Variants in ERAL1 observed in about 807,000 individuals in gnomAD.
ERAL1 encodes the protein GTPase Era, mitochondrial.
In ERAL1, 36 loss-of-function variants were observed where a neutral mutation model predicts 53.6. The observed-to-expected ratio is 0.67, with a 90% CI of 0.51 to 0.89. The LOEUF (loss-of-function observed/expected upper bound fraction) is 0.89, where lower values mean the gene tolerates loss of function less well. ERAL1 is among the 40% of genes least tolerant of loss of function. The probability of loss-of-function intolerance (pLI) is 0.00; values close to 1 mark genes in which losing one functional copy is unlikely to be tolerated. For missense variants in ERAL1, 512 were observed against 537.5 expected, an observed-to-expected ratio of 0.95 and a Z score of 0.47; for synonymous variants, 215 against 211.8, an observed-to-expected ratio of 1.02 and a Z score of -0.13.
intron 3 of ERAL1, 107 bp downstream of exon 3, chr17:28,856,689 A>T: frequency 1.1e-5 from 10 of 921,032 alleles, no homozygotes; most frequent in Non-Finnish European, 1.7e-5. Context: ...CATTTATGTG[A>T]GGAAAGGGGG....
chr17:28,856,696 G>T, intron 3 of ERAL1, 114 bp downstream of exon 3: 1 of 945,112 alleles, frequency 1.1e-6, no homozygotes, highest in Non-Finnish European at 1.7e-6. Flanking sequence ...GTGAGGAAAG[G>T]GGGTTTCTTT....
chr17:28,856,541 T>C lies in ERAL1; in HGVS notation c.448T>C (p.Cys150Arg). The part of the protein sequence containing the change: ...PVSRKVHTTR[C>R]QALGVITEKE... Reference sequence around the variant, plus strand: ...TTCCAGGAAGGTGCATACTACTCGCTGCCAAGCTCTGGGGGTCATCACAGA... The same window carrying C: ...TTCCAGGAAGGTGCATACTACTCGCCGCCAAGCTCTGGGGGTCATCACAGA... The change falls in exon 3 of 10, where the codon TGC becomes CGC. Residue 150 changes from cysteine to arginine, a missense_variant. Coordinates refer to ENST00000254928, the MANE Select transcript of ERAL1 (RefSeq NM_005702.4). The C allele has an allele frequency of 6.2e-7, 1 of 1,613,976 alleles. No homozygotes were observed. Among genetic ancestry groups the C allele is most frequent in the Non-Finnish European group, 8.5e-7 (1 of 1,179,944 alleles).
rs371302748 is a variant in ERAL1 at position 28,858,833 on chromosome 17, G to A, written c.960+9G>A. ...ACGTGAAAACACTAAAGGTCAGTTA[G>A]TCTTGGCCATAGCCTGGCCCTTGGT... On this transcript the variant is annotated intron_variant, in intron 7 of 9. Coordinates refer to ENST00000254928, the MANE Select transcript of ERAL1 (RefSeq NM_005702.4). The A allele has an allele frequency of 7.1e-5, 114 of 1,614,042 alleles. No homozygotes were observed. The highest frequency in any genetic ancestry group is 9.2e-5 in the Non-Finnish European group (108 of 1,179,998).
chr17:28,855,370 G>T, intron 1 of ERAL1, 53 bp downstream of exon 1: 1 of 1,503,178 alleles, frequency 6.7e-7, no homozygotes, highest in South Asian at 1.3e-5. Flanking sequence ...AGTATTGAAA[G>T]GTTTCTGGGG....
chr17:28,856,814 C>T (rs571345895), intron 3 of ERAL1: 40 of 446,578 alleles, frequency 9.0e-5, no homozygotes, highest in African/African-American at 5.6e-4. Flanking sequence ...CAGGTTGACG[C>T]CATTCTCCTG....
At chr17:28,857,011 A>G (rs2039253753) in intron 3 of ERAL1, among the ~76,000 whole-genome samples, 1 of 151,434 alleles carries the variant, frequency 6.6e-6, no homozygotes, top group African/African-American at 2.4e-5. Flanking sequence ...GCGCCTGGCC[A>G]GGAAAGGGGG....
chr17:28,859,484 G>A (rs1171174018), intron 9 of ERAL1, among the ~76,000 whole-genome samples: 1 of 151,660 alleles, frequency 6.6e-6, no homozygotes, highest in Non-Finnish European at 1.5e-5. Context: ...GACTTCCCAC[G>A]CTCAAGCAAT....
Position 28,857,945 on chromosome 17 carries a change from C to G in ERAL1, c.496C>G (p.Leu166Val), listed in dbSNP as rs751369228. Reference protein sequence around the residue: ...ITEKETQVILLDTPGIISPGK... With the variant: ...ITEKETQVILVDTPGIISPGK... Reference sequence around the variant, plus strand: ...CTCACTTTCCTGATTTTAGATTCTACTTGACACACCTGGCATTATCAGTCC... The same window carrying G: ...CTCACTTTCCTGATTTTAGATTCTAGTTGACACACCTGGCATTATCAGTCC... Residue 166 changes from leucine (L) to valine (V), a missense_variant, in exon 4 of 10, where the codon CTT becomes GTT. Transcript: ENST00000254928. The G allele has an allele frequency of 6.2e-7, 1 of 1,614,092 alleles. No homozygotes were observed. Among genetic ancestry groups the G allele is most frequent in the Non-Finnish European group, 8.5e-7 (1 of 1,180,022 alleles).
At chr17:28,856,683 TA>T in intron 3 of ERAL1, 101 bp downstream of exon 3, 1 of 1,058,628 alleles carries the variant, frequency 9.4e-7, no homozygotes, top group Non-Finnish European at 1.5e-6. Context: ...CACATTCATT[TA>T]TGTGAGGAAA....
At chr17:28,856,433 C>G (rs1451067356) in intron 2 of ERAL1, 42 bp downstream of exon 2, 1 of 1,613,616 alleles carries the variant, frequency 6.2e-7, no homozygotes, top group Admixed American at 1.7e-5. Flanking sequence ...ACATCTTTTA[C>G]TTCTTGCCAT....
At position 28,855,335 on chromosome 17, in the gene ERAL1, G is replaced by A; in HGVS notation, c.283+18G>A. The stretch of plus-strand genomic sequence containing the variant: ...GAACAGAGGTAAAGCGCCCTGATAG[G>A]TTTGCTCGGAACTGTCATGTTTTTA... On this transcript the variant is annotated intron_variant, in intron 1 of 9. Transcript: ENST00000254928. 6.4e-7 allele frequency: 1 copy of A among 1,553,254 alleles called. No homozygotes were observed. Among genetic ancestry groups the A allele is most frequent in the East Asian group, 2.3e-5 (1 of 44,008 alleles).
chr17:28,860,653 G>A lies in ERAL1; in HGVS notation c.*100G>A, dbSNP rs946949596. On this transcript the variant is annotated 3_prime_UTR_variant, in exon 10 of 10. Coordinates refer to ENST00000254928, the MANE Select transcript of ERAL1 (RefSeq NM_005702.4). ...GGGGACCCTCCAGGCACTGGTGAGA[G>A]ACATGAACACTGACTGGCCACTAGC... 2.1e-6 allele frequency: 3 copies of A among 1,423,372 alleles called. No homozygotes were observed. The highest frequency in any genetic ancestry group is 2.8e-6 in the Non-Finnish European group (3 of 1,077,740). The allele number at this position is 1,423,372 out of a possible 1,614,324, so 88.2% of individuals were successfully genotyped here.
chr17:28,855,301 G>A lies in ERAL1; in HGVS notation c.267G>A (p.Ala89=). Residue 89 remains alanine (A), a synonymous_variant, in exon 1 of 10, where the codon GCG becomes GCA. Coordinates refer to ENST00000254928, the MANE Select transcript of ERAL1 (RefSeq NM_005702.4). ...PDSSVTPCVP[A]VSMNRDEQDV... is the part of the protein sequence containing the mutation. ...GTTCGGTGACTCCTTGCGTCCCCGC[G>A]GTGTCCATGAACAGAGGTAAAGCGC... 4 of 1,602,154 alleles carry A rather than the reference G, an allele frequency of 2.5e-6. No homozygotes were observed. The highest frequency in any genetic ancestry group is 3.4e-6 in the Non-Finnish European group (4 of 1,172,744).
chr17:28,858,982 G>A lies in ERAL1; in HGVS notation c.979G>A (p.Ala327Thr). 6.2e-7 allele frequency: 1 copy of A among 1,614,102 alleles called. No homozygotes were observed. The highest frequency in any genetic ancestry group is 8.5e-7 in the Non-Finnish European group (1 of 1,180,024). Residue 327 changes from alanine to threonine, a missense_variant, in exon 8 of 10, where the codon GCC becomes ACC. Ala to Thr is a moderately conservative substitution (Grantham distance 58). Coordinates refer to ENST00000254928, the MANE Select transcript of ERAL1 (RefSeq NM_005702.4). ...KTLKQYLLTQ[A>T]QPGPWEYHSA... ...CCCACAGCAATACCTTCTGACACAG[G>A]CCCAGCCAGGGCCCTGGGAGTACCA...
chr17:28,855,323 G>A lies in ERAL1; in HGVS notation c.283+6G>A. Reference sequence around the variant, plus strand: ...CGCGGTGTCCATGAACAGAGGTAAAGCGCCCTGATAGGTTTGCTCGGAACT... The same window carrying A: ...CGCGGTGTCCATGAACAGAGGTAAAACGCCCTGATAGGTTTGCTCGGAACT... On this transcript the variant is annotated splice_donor_region_variant and intron_variant, in intron 1 of 9. Transcript: ENST00000254928. 1.3e-6 allele frequency: 2 copies of A among 1,571,178 alleles called. No individual in the cohort carries two copies. Among genetic ancestry groups the A allele is most frequent in the Non-Finnish European group, 1.7e-6 (2 of 1,157,068 alleles).
intron 9 of ERAL1, among the ~76,000 whole-genome samples, 163 bp from the exon 10 acceptor site, chr17:28,860,268 C>T (rs993172773): frequency 3.3e-5 from 5 of 152,136 alleles, no homozygotes; most frequent in South Asian, 4.1e-4. Flanking sequence ...TGAGCCACTG[C>T]GCCCGGCCAC....
intron 1 of ERAL1, among the ~76,000 whole-genome samples, chr17:28,855,727 G>A (rs1379169939): frequency 6.7e-6 from 1 of 148,860 alleles, no homozygotes; most frequent in Non-Finnish European, 1.5e-5. Flanking sequence ...GTCATAAGAA[G>A]ATAATATAAA....
intron 9 of ERAL1, 123 bp downstream of exon 9, chr17:28,859,406 T>G: frequency 1.1e-6 from 1 of 934,272 alleles, no homozygotes; most frequent in African/African-American, 1.7e-5. Flanking sequence ...TTTTCTTTTT[T>G]TTGAGACAGT....
intron 9 of ERAL1, 70 bp downstream of exon 9, chr17:28,859,353 C>T: frequency 6.9e-7 from 1 of 1,452,508 alleles, no homozygotes; most frequent in East Asian, 2.3e-5. Context: ...CAGCTTGGAG[C>T]CCTGAGAGCA....
Sources: gnomAD v4.1 joint callset for allele counts (sites outside exome capture counted in the v4.1 genomes callset) on GRCh38, gnomAD v4.1.1 for gene constraint, MANE v1.5 for transcripts, NCBI Gene and HGNC (gene_info 2026-07-23, HGNC 2026-07-21) for gene names.